The following CDH4 variants were observed in gnomAD, a reference collection of about 807,000 sequenced individuals.
CDH4 encodes cadherin-4.
CDH4 carries 33 observed loss-of-function variants against 86.0 expected under a neutral mutation model. The ratio of observed to expected loss-of-function variants is 0.38; its 90% CI spans 0.29 to 0.51. The LOEUF (loss-of-function observed/expected upper bound fraction) is 0.51. Among genes scored for constraint, CDH4 ranks in the 20% least tolerant of loss-of-function variants. The probability of loss-of-function intolerance (pLI) is 0.86; values close to 1 mark genes in which losing one functional copy is unlikely to be tolerated. For synonymous variants in CDH4, 555 were observed against 549.4 expected (o/e 1.01, Z -0.14); for missense variants, 1,114 against 1,307.4 (o/e 0.85, Z 2.28).
chr20:61,934,563 G>C (rs969579379), intron 15 of CDH4, among the ~76,000 whole-genome samples: 1 of 152,224 alleles, frequency 6.6e-6, no homozygotes, highest in Admixed American at 6.5e-5. Flanking sequence ...TCAGCGGGGC[G>C]ACGGCGGGGA....
At chr20:61,459,965 C>T (rs191168250) in intron 2 of CDH4, among the ~76,000 whole-genome samples, 15 of 152,176 alleles carry the variant, frequency 9.9e-5, no homozygotes, top group African/African-American at 3.6e-4. Context: ...GGTACCCCCA[C>T]ACCTGGGACC....
At chr20:61,598,500 C>G (rs1353164208) in intron 2 of CDH4, among the ~76,000 whole-genome samples, 1 of 152,136 alleles carries the variant, frequency 6.6e-6, no homozygotes, top group African/African-American at 2.4e-5. Context: ...AGAGCCACAC[C>G]CCCTCCTGAA....
chr20:61,522,779 C>T (rs74719612), intron 2 of CDH4, among the ~76,000 whole-genome samples: 5,136 of 152,278 alleles, frequency 0.034, 274 homozygotes, highest in African/African-American at 0.11. Context: ...GGCCCGGTGC[C>T]GGTGTGGCCT....
intron 7 of CDH4, among the ~76,000 whole-genome samples, chr20:61,881,665 G>A (rs914496243): frequency 4.1e-4 from 62 of 152,338 alleles, no homozygotes; most frequent in African/African-American, 1.5e-3. Flanking sequence ...GCAGGAAGAG[G>A]AGGGGGCGGC....
rs559494744 is a variant in CDH4, at chr20:61,934,061, C to T, written c.2385C>T (p.Tyr795=). Residue 795 remains tyrosine (Y), a synonymous_variant, in exon 15 of 16, where the codon TAC becomes TAT. Coordinates refer to ENST00000614565, the MANE Select transcript of CDH4 (RefSeq NM_001794.5). ...CTCCCGGCTCCCTCCCCCAGGACTA[C>T]GACCTCAGCCAGCTGCAGCAGCCGG... is the stretch of plus-strand genomic sequence containing the variant. ...EEGGGEEDQD[Y]DLSQLQQPEA... 9.9e-6 allele frequency: 16 copies of T among 1,610,844 alleles called. No homozygotes were observed. The highest frequency in any genetic ancestry group is 1.1e-5 in the Non-Finnish European group (13 of 1,179,764).
At chr20:61,818,228 CGCAG>C (rs1980834923) in intron 4 of CDH4, among the ~76,000 whole-genome samples, 2 of 152,282 alleles carry the variant, frequency 1.3e-5, no homozygotes, top group South Asian at 4.1e-4. Context: ...TCTCACATCA[CGCAG>C]ACAGTGAGGA....
intron 2 of CDH4, among the ~76,000 whole-genome samples, chr20:61,444,865 ATG>A (rs1469985589): frequency 1.5e-5 from 2 of 135,168 alleles, no homozygotes; most frequent in Admixed American, 7.4e-5. Flanking sequence ...GTGTATATGT[ATG>A]TGTGTTTCTC....
intron 2 of CDH4, among the ~76,000 whole-genome samples, chr20:61,401,762 T>C (rs1192473676): frequency 1.3e-5 from 2 of 152,080 alleles, no homozygotes; most frequent in Non-Finnish European, 2.9e-5. Flanking sequence ...AGGGAGTAAA[T>C]ACAATGACTA....
chr20:61,867,242 G>C (rs538834766), intron 6 of CDH4, among the ~76,000 whole-genome samples: 1 of 152,326 alleles, frequency 6.6e-6, no homozygotes, highest in East Asian at 1.9e-4. Flanking sequence ...AGAAGCAGGG[G>C]ACCTCCCCTC....
At chr20:61,661,446 C>CT (rs2087256261) in intron 2 of CDH4, among the ~76,000 whole-genome samples, 1 of 147,350 alleles carries the variant, frequency 6.8e-6, no homozygotes, top group South Asian at 2.2e-4. Context: ...TCAGATAGCC[C>CT]TTTAAGTGGG....
At chr20:61,753,355 T>G (rs1175847665) in intron 3 of CDH4, among the ~76,000 whole-genome samples, 4 of 152,336 alleles carry the variant, frequency 2.6e-5, no homozygotes, top group Non-Finnish European at 5.9e-5. Context: ...AGCTTTACAG[T>G]TAGATGAACC....
chr20:61,616,632 T>C (rs2086727220), intron 2 of CDH4, among the ~76,000 whole-genome samples: 1 of 152,214 alleles, frequency 6.6e-6, no homozygotes, highest in South Asian at 2.1e-4. Flanking sequence ...GGGCAAAGCA[T>C]AGCTCAGCCT....
intron 4 of CDH4, among the ~76,000 whole-genome samples, chr20:61,794,100 G>A (rs555171161): frequency 8.2e-5 from 12 of 145,606 alleles, no homozygotes; most frequent in South Asian, 2.2e-4. Context: ...CCAAGATGGC[G>A]CCACTGCACT....
chr20:61,390,264 C>A, intron 2 of CDH4, among the ~76,000 whole-genome samples: 1 of 147,896 alleles, frequency 6.8e-6, no homozygotes, highest in Admixed American at 6.8e-5. Context: ...TTCGTGCGGT[C>A]ATAGGGTGCC....
At chr20:61,669,057 T>C (rs758823095) in intron 2 of CDH4, among the ~76,000 whole-genome samples, 66 of 152,270 alleles carry the variant, frequency 4.3e-4, no homozygotes, top group Middle Eastern at 6.8e-3. Context: ...GGTCCTTCCT[T>C]CACCCTCGGG....
At chr20:61,896,207 C>T (rs1007961496) in intron 8 of CDH4, among the ~76,000 whole-genome samples, 3 of 152,208 alleles carry the variant, frequency 2.0e-5, no homozygotes, top group Non-Finnish European at 2.9e-5. Context: ...TGATCCCAGC[C>T]AACCCCGACC....
chr20:61,707,928 A>G (rs1349465459), intron 2 of CDH4, among the ~76,000 whole-genome samples: 2 of 152,112 alleles, frequency 1.3e-5, no homozygotes, highest in Admixed American at 1.3e-4. Context: ...TTTCCACGTT[A>G]TGCCTGCGGA....
intron 2 of CDH4, among the ~76,000 whole-genome samples, chr20:61,596,084 T>C (rs1188394808): frequency 6.6e-6 from 1 of 152,218 alleles, no homozygotes; most frequent in African/African-American, 2.4e-5. Flanking sequence ...CCAACTGTCC[T>C]CAGAGCATGA....
intron 9 of CDH4, among the ~76,000 whole-genome samples, chr20:61,917,971 T>C (rs73311983): frequency 0.013 from 2,045 of 152,304 alleles, 32 homozygotes; most frequent in African/African-American, 0.046. Flanking sequence ...CCAATAAATA[T>C]GGGAGAAAGA....
Sources: gnomAD v4.1 joint callset for allele counts (sites outside exome capture counted in the v4.1 genomes callset) on GRCh38, gnomAD v4.1.1 for gene constraint, MANE v1.5 for transcripts, NCBI Gene and HGNC (gene_info 2026-07-23, HGNC 2026-07-21) for gene names.